ATP11B: variants seen among roughly 807,000 people sequenced by gnomAD.
ATP11B encodes the protein ATPase phospholipid transporting 11B (putative).
Under a neutral mutation model 157.8 loss-of-function variants are expected in ATP11B, and 81 were observed. The ratio of observed to expected loss-of-function variants is 0.51; its 90% confidence interval spans 0.43 to 0.62. ATP11B has a LOEUF of 0.62. ATP11B is among the 20% of genes least tolerant of loss of function. The pLI, the probability that ATP11B is intolerant of heterozygous loss-of-function variation, is 0.00. For missense variants in ATP11B, 1,165 were observed against 1,402.2 expected (o/e 0.83, Z 2.70); for synonymous variants, 451 against 469.4 (o/e 0.96, Z 0.51).
intron 29 of ATP11B, chr3:182,915,780 A>C: frequency 3.0e-6 from 3 of 984,736 alleles, no homozygotes; most frequent in Non-Finnish European, 3.6e-6. Context: ...GGAGTTATTG[A>C]ATTTACTTTT....
chr3:182,837,056 A>T lies in ATP11B; in HGVS notation c.553-15A>T. On this transcript the variant is annotated splice_polypyrimidine_tract_variant and intron_variant, in intron 6 of 29. Transcript: ENST00000323116. ...TTGGATCTGAAAACTCTACAGTTTA[A>T]TTCATTTTTTTCAGACACATGTGGC... is the stretch of plus-strand genomic sequence containing the variant. 6.3e-7 allele frequency: 1 copy of T among 1,595,972 alleles called. No individual in the cohort carries two copies.
chr3:182,795,034 C>CA lies in ATP11B; in HGVS notation c.27+1263dup, dbSNP rs10582019. The stretch of plus-strand genomic sequence containing the variant: ...TTCGTTTTGCAGCGGGCATCATTCT[C>CA]AAAAAAAAAAAAAAATTATAAATAA... On this transcript the variant is annotated intron_variant, in intron 1 of 29. Transcript: ENST00000323116. 6.6e-3 allele frequency among the ~76,000 whole-genome samples: 918 copies of CA among 138,958 alleles called. 2 individuals are homozygous for CA. The highest frequency in any genetic ancestry group is 0.014 in the African/African-American group (549 of 39,018). The allele number at this position is 138,958 out of a possible 152,430, so 91.2% of individuals were successfully genotyped here.
At chr3:182,797,776 A>G (rs886417171) in intron 1 of ATP11B, among the ~76,000 whole-genome samples, 2 of 152,054 alleles carry the variant, frequency 1.3e-5, no homozygotes, top group Non-Finnish European at 2.9e-5. Flanking sequence ...AGATATTATA[A>G]TATTTTACAT....
intron 4 of ATP11B, among the ~76,000 whole-genome samples, chr3:182,831,894 A>G (rs1011557410): frequency 1.3e-5 from 2 of 152,274 alleles, no homozygotes; most frequent in Non-Finnish European, 1.5e-5. Context: ...TTTATTCTAT[A>G]TACCTGCTTA....
intron 3 of ATP11B, among the ~76,000 whole-genome samples, chr3:182,829,148 A>T (rs977843077): frequency 9.8e-5 from 15 of 152,332 alleles, no homozygotes; most frequent in African/African-American, 3.4e-4. Context: ...CATTTGTGAA[A>T]TCACTAGCTA....
intron 4 of ATP11B, among the ~76,000 whole-genome samples, chr3:182,831,576 AT>A (rs11435937): frequency 1.2e-4 from 18 of 149,140 alleles, no homozygotes; most frequent in African/African-American, 4.2e-4. Context: ...ATTTCCTACC[AT>A]TTTTTTTTTT....
At chr3:182,901,170 C>T (rs1257768433) in intron 28 of ATP11B, among the ~76,000 whole-genome samples, 2 of 151,486 alleles carry the variant, frequency 1.3e-5, no homozygotes, top group Non-Finnish European at 2.9e-5. Context: ...GAGACTCCAT[C>T]TCAGAAAATA....
intron 25 of ATP11B, among the ~76,000 whole-genome samples, chr3:182,890,763 A>G (rs7650693): frequency 0.12 from 18,319 of 152,190 alleles, 1,236 homozygotes; most frequent in African/African-American, 0.18. Context: ...TCATTAAATC[A>G]TAACTCTGTA....
intron 2 of ATP11B, among the ~76,000 whole-genome samples, chr3:182,825,577 G>A (rs1332643342): frequency 1.3e-5 from 2 of 152,122 alleles, no homozygotes; most frequent in Admixed American, 1.3e-4. Context: ...AAAAAAATTA[G>A]CCAGGTGTGG....
Position 182,918,211 on chromosome 3 carries a change from TGTA to T in ATP11B, c.*113_*115del. ...CTCTGAAATTAATTTCCAAAATCTTTGTAGTAGTTCATACCCACTCAGAGTTAT... is the reference window on the plus strand; with the variant it reads ...CTCTGAAATTAATTTCCAAAATCTTTGTAGTTCATACCCACTCAGAGTTAT... On this transcript the variant is annotated 3_prime_UTR_variant, in exon 30 of 30. Transcript: ENST00000323116. 6 of 1,515,520 alleles carry T rather than the reference TGTA, an allele frequency of 4.0e-6. No individual in the cohort carries two copies. The South Asian group carries it at 6.5e-5, about 16-fold the overall frequency. The allele number at this position is 1,515,520 out of a possible 1,614,324, so 93.9% of individuals were successfully genotyped here.
intron 12 of ATP11B, among the ~76,000 whole-genome samples, chr3:182,863,867 T>C (rs1026283604): frequency 1.3e-5 from 2 of 152,076 alleles, no homozygotes; most frequent in African/African-American, 4.8e-5. Flanking sequence ...TTATATATTT[T>C]CTGTATAACT....
At chr3:182,890,169 T>C (rs1233603725) in intron 25 of ATP11B, among the ~76,000 whole-genome samples, 1 of 152,200 alleles carries the variant, frequency 6.6e-6, no homozygotes, top group Non-Finnish European at 1.5e-5. Context: ...ATTGGAGTGC[T>C]CATGTTGAGA....
chr3:182,836,420 G>A lies in ATP11B; in HGVS notation c.502G>A (p.Gly168Ser), dbSNP rs1211486664. ...LVLLSSDRLD[G>S]SCHVTTASLD... ...GCTTCTGTCCTCAGATCGACTGGATGGTTCCTGTCACGTTACAACTGCTAG... is the reference window on the plus strand; with the variant it reads ...GCTTCTGTCCTCAGATCGACTGGATAGTTCCTGTCACGTTACAACTGCTAG... The change falls in exon 6 of 30, where the codon GGT becomes AGT. Residue 168 changes from glycine to serine, a missense_variant. Coordinates refer to ENST00000323116, the MANE Select transcript of ATP11B (RefSeq NM_014616.3). 1 of 1,613,866 alleles carries A rather than the reference G, an allele frequency of 6.2e-7. No homozygotes were observed. Among genetic ancestry groups the A allele is most frequent in the Admixed American group, 1.7e-5 (1 of 60,004 alleles).
chr3:182,867,244 TA>T, intron 14 of ATP11B, 131 bp from the exon 15 acceptor site: 1 of 652,892 alleles, frequency 1.5e-6, no homozygotes, highest in Non-Finnish European at 2.6e-6. Flanking sequence ...GTTGTAATAT[TA>T]AAAGGAAATA....
Position 182,884,778 on chromosome 3 carries a change from G to T in ATP11B, c.2535G>T (p.Gln845His). 1 of 1,596,832 alleles carries T rather than the reference G, an allele frequency of 6.3e-7. No homozygotes were observed. Among genetic ancestry groups the T allele is most frequent in the Non-Finnish European group, 8.5e-7 (1 of 1,175,152 alleles). ...GAATCATGGGTAAAGAAGGAAGACA[G>T]GCTGCAAGAAACAGTGACTATGCAA... is the stretch of plus-strand genomic sequence containing the variant. ...GIGIMGKEGR[Q>H]AARNSDYAIA... The change falls in exon 22 of 30, where the codon CAG becomes CAT. Residue 845 changes from glutamine to histidine, a missense_variant. By Grantham distance (24) the Gln-to-His change is conservative. Coordinates refer to ENST00000323116, the MANE Select transcript of ATP11B (RefSeq NM_014616.3).
chr3:182,830,861 A>C (rs138973768), intron 4 of ATP11B, among the ~76,000 whole-genome samples: 72 of 152,330 alleles, frequency 4.7e-4, no homozygotes, highest in African/African-American at 1.6e-3. Context: ...TGTGTATATC[A>C]GTCGATATGC....
chr3:182,797,494 G>C (rs1428719426), intron 1 of ATP11B, among the ~76,000 whole-genome samples: 1 of 152,128 alleles, frequency 6.6e-6, no homozygotes, highest in Non-Finnish European at 1.5e-5. Flanking sequence ...GATCACCTGA[G>C]GTCAGGAGTT....
At chr3:182,839,101 A>G (rs1718793191) in intron 7 of ATP11B, among the ~76,000 whole-genome samples, 2 of 152,218 alleles carry the variant, frequency 1.3e-5, no homozygotes, top group Non-Finnish European at 2.9e-5. Flanking sequence ...CTATGTAGGC[A>G]CAAAAAAGAA....
At position 182,866,426 on chromosome 3, in the gene ATP11B, A is replaced by C; in HGVS notation, c.1602A>C (p.Leu534=). 3 of 1,606,032 alleles carry C rather than the reference A, an allele frequency of 1.9e-6. No homozygotes were observed. The highest frequency in any genetic ancestry group is 2.6e-6 in the Non-Finnish European group (3 of 1,175,452). Residue 534 remains leucine (L), a synonymous_variant, in exon 14 of 30, where the codon CTA becomes CTC. Coordinates refer to ENST00000323116, the MANE Select transcript of ATP11B (RefSeq NM_014616.3). ...CATCTTCACCAGATGAAAAGGCTCT[A>C]GTAGAAGCTGCTGCAAGGTAATTTA... The part of the protein sequence containing the change: ...YYASSPDEKA[L]VEAAARIGIV...
Sources: gnomAD v4.1 joint callset for allele counts (sites outside exome capture counted in the v4.1 genomes callset) on GRCh38, gnomAD v4.1.1 for gene constraint, MANE v1.5 for transcripts, NCBI Gene and HGNC (gene_info 2026-07-23, HGNC 2026-07-21) for gene names.